The following ARHGAP15 variants were observed in gnomAD, a reference collection of about 807,000 sequenced individuals.
The protein encoded by ARHGAP15 is rho GTPase-activating protein 15.
A neutral mutation model predicts 63.7 loss-of-function variants in ARHGAP15; 51 were observed. The ratio of observed to expected loss-of-function variants is 0.80; its 90% CI spans 0.64 to 1.01. The LOEUF (loss-of-function observed/expected upper bound fraction) is 1.01. Ranked by LOEUF, ARHGAP15 falls within the 50% of genes least tolerant of loss-of-function variation. The pLI, the probability that ARHGAP15 is intolerant of heterozygous loss-of-function variation, is 0.00. For synonymous variants in ARHGAP15, 191 were observed against 193.8 expected (o/e 0.99, Z 0.12); for missense variants, 560 against 564.6 (o/e 0.99, Z 0.08).
intron 12 of ARHGAP15, among the ~76,000 whole-genome samples, chr2:143,654,594 C>T (rs558694900): frequency 6.6e-6 from 1 of 152,164 alleles, no homozygotes; most frequent in South Asian, 2.1e-4. Context: ...CAGATTTTGC[C>T]AGTCATTCTG....
chr2:143,318,912 A>G (rs1433768577), intron 6 of ARHGAP15, among the ~76,000 whole-genome samples: 1 of 152,170 alleles, frequency 6.6e-6, no homozygotes, highest in East Asian at 1.9e-4. Flanking sequence ...CCATTGACCA[A>G]TAAGCATTCA....
intron 13 of ARHGAP15, among the ~76,000 whole-genome samples, chr2:143,723,540 G>A (rs1486797264): frequency 6.6e-6 from 1 of 152,188 alleles, no homozygotes; most frequent in Non-Finnish European, 1.5e-5. Context: ...ACTGGAAAGA[G>A]TCCCAGACAG....
chr2:143,418,131 A>G (rs1467455496), intron 6 of ARHGAP15, among the ~76,000 whole-genome samples: 1 of 152,228 alleles, frequency 6.6e-6, no homozygotes, highest in African/African-American at 2.4e-5. Context: ...AGTCAATTGC[A>G]GAGACTGTGT....
chr2:143,673,758 G>GTGTATGTATATATATATATATATATA (rs1553520615), intron 12 of ARHGAP15, among the ~76,000 whole-genome samples: 1 of 22,116 alleles, frequency 4.5e-5, no homozygotes, highest in African/African-American at 8.1e-5. Flanking sequence ...GTGTGTGTGT[G>GTGTATGTATATATATATATATATATA]TATATATATA....
rs2104990727 is a variant in ARHGAP15 at position 143,398,910 on chromosome 2, T to C, written c.475-36691T>C. On this transcript the variant is annotated intron_variant, in intron 6 of 13. Transcript: ENST00000295095. ...TGCTTGACTTTTATTAAACTCCTAC[T>C]GAAGAAACAGATTAATTGGAGGCTG... Among the ~76,000 whole-genome samples the C allele has an allele frequency of 2.0e-5, 3 of 152,144 alleles. No homozygotes were observed. In the South Asian group the frequency reaches 6.2e-4, roughly 32 times the overall value.
chr2:143,513,595 A>G (rs1693679440), intron 9 of ARHGAP15, among the ~76,000 whole-genome samples: 1 of 152,112 alleles, frequency 6.6e-6, no homozygotes, highest in African/African-American at 2.4e-5. Flanking sequence ...TCTTAAGGTC[A>G]CTCATATCCT....
intron 12 of ARHGAP15, among the ~76,000 whole-genome samples, chr2:143,676,889 A>C (rs1682852051): frequency 6.6e-6 from 1 of 152,232 alleles, no homozygotes; most frequent in Non-Finnish European, 1.5e-5. Context: ...AAACAAACAA[A>C]CAAAAAAACC....
At chr2:143,662,602 C>T (rs1204068130) in intron 12 of ARHGAP15, among the ~76,000 whole-genome samples, 9 of 114,038 alleles carry the variant, frequency 7.9e-5, no homozygotes, top group African/African-American at 1.4e-4. Context: ...AGGCTTCAGA[C>T]GATCAAATTA....
chr2:143,533,355 G>A (rs1268450089), intron 10 of ARHGAP15: 1 of 152,144 alleles, frequency 6.6e-6, no homozygotes, highest in Non-Finnish European at 1.5e-5. Flanking sequence ...GGGAACTGAA[G>A]GAGAACAGTG....
chr2:143,169,314 A>G (rs1690672008), intron 2 of ARHGAP15, among the ~76,000 whole-genome samples: 1 of 151,968 alleles, frequency 6.6e-6, no homozygotes, highest in African/African-American at 2.4e-5. Context: ...CTAGTTCAAA[A>G]CAGTCCAGCC....
At chr2:143,718,152 C>T (rs534905670) in intron 13 of ARHGAP15, among the ~76,000 whole-genome samples, 3 of 152,112 alleles carry the variant, frequency 2.0e-5, no homozygotes, top group Middle Eastern at 3.4e-3. Flanking sequence ...TTTCAGTTCT[C>T]AAGACTGTAA....
intron 11 of ARHGAP15, among the ~76,000 whole-genome samples, chr2:143,574,746 C>T: frequency 6.6e-6 from 1 of 152,206 alleles, no homozygotes; most frequent in East Asian, 1.9e-4. Flanking sequence ...GTAGAAATAT[C>T]TTTAGGTTTG....
chr2:143,734,998 T>A (rs1017454456), intron 13 of ARHGAP15, among the ~76,000 whole-genome samples: 3 of 152,226 alleles, frequency 2.0e-5, no homozygotes, highest in Non-Finnish European at 4.4e-5. Context: ...TTTAGCAGAT[T>A]AGCAAATATT....
At chr2:143,254,757 C>T (rs1406105797) in intron 6 of ARHGAP15, among the ~76,000 whole-genome samples, 3 of 152,130 alleles carry the variant, frequency 2.0e-5, no homozygotes, top group African/African-American at 7.2e-5. Context: ...ATATCCCATA[C>T]TGTCTTCTAC....
chr2:143,606,065 A>AAAAAAAAAAAAAAAAAAAAAC (rs1559076911), intron 11 of ARHGAP15, among the ~76,000 whole-genome samples: 1 of 44,986 alleles, frequency 2.2e-5, no homozygotes, highest in Non-Finnish European at 6.5e-5. Flanking sequence ...AAAAAAAAAA[A>AAAAAAAAAAAAAAAAAAAAAC]AAAAAGCCAT....
intron 6 of ARHGAP15, among the ~76,000 whole-genome samples, chr2:143,424,015 C>A (rs1276313217): frequency 6.6e-6 from 1 of 152,104 alleles, no homozygotes; most frequent in African/African-American, 2.4e-5. Flanking sequence ...GGAATCCATT[C>A]AGTGGCTTTT....
intron 9 of ARHGAP15, among the ~76,000 whole-genome samples, chr2:143,489,640 A>G (rs1158901975): frequency 6.6e-6 from 1 of 152,132 alleles, no homozygotes; most frequent in African/African-American, 2.4e-5. Flanking sequence ...TCTTACACTT[A>G]AAGCAAAGAC....
At chr2:143,330,871 A>G (rs558675436) in intron 6 of ARHGAP15, among the ~76,000 whole-genome samples, 13 of 152,316 alleles carry the variant, frequency 8.5e-5, no homozygotes, top group African/African-American at 3.1e-4. Flanking sequence ...AACCTACATT[A>G]TATGCATGCT....
At chr2:143,252,436 A>T (rs1312319525) in intron 6 of ARHGAP15, among the ~76,000 whole-genome samples, 3 of 151,764 alleles carry the variant, frequency 2.0e-5, no homozygotes, top group Non-Finnish European at 4.4e-5. Context: ...AACTATTCTC[A>T]CTTTTGGTAG....
Sources: allele counts gnomAD v4.1 joint callset (sites outside exome capture counted in the v4.1 genomes callset), GRCh38; gene constraint gnomAD v4.1.1; transcripts MANE v1.5; gene names NCBI Gene and HGNC (gene_info 2026-07-23, HGNC 2026-07-21).